NUP214: variants seen among roughly 807,000 people sequenced by gnomAD.
The protein encoded by NUP214 is nuclear pore complex protein Nup214.
A neutral mutation model predicts 196.2 loss-of-function variants in NUP214; 79 were observed. The observed-to-expected ratio is 0.40, with a 90% CI of 0.34 to 0.49. NUP214 has a LOEUF of 0.49. Ranked by LOEUF, NUP214 falls within the 20% of genes least tolerant of loss-of-function variation. NUP214 has a pLI of 0.58. For synonymous variants in NUP214, 1,020 were observed against 990.5 expected, an observed-to-expected ratio of 1.03 and a Z score of -0.56; for missense variants, 2,468 against 2,539.0, an observed-to-expected ratio of 0.97 and a Z score of 0.60.
intron 28 of NUP214, among the ~76,000 whole-genome samples, chr9:131,196,209 AG>A (rs1833785712): frequency 6.6e-6 from 1 of 151,230 alleles, no homozygotes; most frequent in African/African-American, 2.4e-5. Flanking sequence ...TCCAGGCTGG[AG>A]TGTAATGGCG....
intron 21 of NUP214, among the ~76,000 whole-genome samples, chr9:131,169,034 GT>G (rs58054099): frequency 6.4e-5 from 8 of 124,128 alleles, no homozygotes; most frequent in African/African-American, 9.2e-5. Flanking sequence ...GTTTTTTTTT[GT>G]TTTTTTTTTT....
chr9:131,213,791 G>GTTGTTGTT (rs549300685), intron 30 of NUP214, among the ~76,000 whole-genome samples: 997 of 17,656 alleles, frequency 0.056, 2 homozygotes, highest in Middle Eastern at 0.17. Context: ...TTGTTGTTAA[G>GTTGTTGTT]AAATTTAAAG....
chr9:131,184,974 T>A (rs940730210), intron 24 of NUP214, among the ~76,000 whole-genome samples: 3 of 152,236 alleles, frequency 2.0e-5, no homozygotes. Flanking sequence ...TATATGAGTA[T>A]GTATGAAAAG....
chr9:131,193,144 G>T (rs910568364), intron 27 of NUP214, among the ~76,000 whole-genome samples: 1 of 151,948 alleles, frequency 6.6e-6, no homozygotes, highest in Admixed American at 6.6e-5. Flanking sequence ...AAAAATGAAA[G>T]AATCTTCTAT....
chr9:131,174,938 G>T (rs1833073000), intron 22 of NUP214, among the ~76,000 whole-genome samples: 1 of 152,040 alleles, frequency 6.6e-6, no homozygotes, highest in Non-Finnish European at 1.5e-5. Context: ...AAGTAAAAGG[G>T]GGCTGTTTGC....
At chr9:131,205,102 C>T (rs1279416732) in intron 30 of NUP214, among the ~76,000 whole-genome samples, 3 of 152,072 alleles carry the variant, frequency 2.0e-5, no homozygotes, top group Non-Finnish European at 4.4e-5. Context: ...GTCTGGGCGA[C>T]AGAGCAAGAC....
chr9:131,181,248 G>C (rs559585586), intron 24 of NUP214, among the ~76,000 whole-genome samples: 8 of 152,262 alleles, frequency 5.3e-5, no homozygotes, highest in African/African-American at 1.7e-4. Flanking sequence ...AGCGAGTCAG[G>C]GGGGACCTCT....
intron 21 of NUP214, among the ~76,000 whole-genome samples, chr9:131,169,043 T>TG (rs1341895012): frequency 6.1e-5 from 9 of 147,996 alleles, no homozygotes; most frequent in African/African-American, 9.9e-5. Flanking sequence ...TGTTTTTTTT[T>TG]TTTTTTTGGA....
At chr9:131,193,629 CTTTTTTTTTTTTTTTTTTTTTTTTTT>C (rs71389402) in intron 27 of NUP214, among the ~76,000 whole-genome samples, 1 of 28,218 alleles carries the variant, frequency 3.5e-5, no homozygotes, top group Non-Finnish European at 6.5e-5. Flanking sequence ...TCTTCCTTTT[CTTTTTTTTTTTTTTTTTTTTTTTTTT>C]TTTTTTTGGA....
chr9:131,195,898 A>G (rs1170797386), intron 28 of NUP214, among the ~76,000 whole-genome samples: 2 of 151,826 alleles, frequency 1.3e-5, no homozygotes, highest in African/African-American at 4.8e-5. Context: ...GGTGGCGCAT[A>G]CCTATAATCC....
intron 24 of NUP214, among the ~76,000 whole-genome samples, chr9:131,184,195 T>C (rs2131017750): frequency 6.6e-6 from 1 of 151,756 alleles, no homozygotes; most frequent in South Asian, 2.1e-4. Context: ...CACAGCCGGC[T>C]AATTTTTGTA....
chr9:131,146,438 T>A lies in NUP214; in HGVS notation c.1945+134T>A. 1.2e-6 allele frequency: 1 copy of A among 859,540 alleles called. No individual in the cohort carries two copies. Among genetic ancestry groups the A allele is most frequent in the East Asian group, 2.5e-5 (1 of 40,504 alleles). 53.2% of individuals were successfully genotyped at this position (859,540 alleles called of 1,614,324 possible). On this transcript the variant is annotated intron_variant, in intron 13 of 35. Coordinates refer to ENST00000359428, the MANE Select transcript of NUP214 (RefSeq NM_005085.4). This position sits in a 1 kb window ranked among gnomAD's most constrained non-coding sequence, Gnocchi z 4.6. ...GCTTCCTGTATCATACATTAATGAT[T>A]AATGTGCTGTGATTTTCATACTCTG...
chr9:131,213,084 A>C (rs1313382195), intron 30 of NUP214, among the ~76,000 whole-genome samples: 1 of 152,120 alleles, frequency 6.6e-6, no homozygotes, highest in Non-Finnish European at 1.5e-5. Flanking sequence ...TCACCCATTT[A>C]TGAGGATGCA....
At chr9:131,190,009 G>C (rs955934638) in intron 26 of NUP214, 2 of 169,200 alleles carry the variant, frequency 1.2e-5, no homozygotes, top group African/African-American at 4.8e-5. Context: ...CAGTCATTCT[G>C]ACTTTCTCTG....
At chr9:131,183,641 T>G (rs372970426) in intron 24 of NUP214, among the ~76,000 whole-genome samples, 1 of 152,196 alleles carries the variant, frequency 6.6e-6, no homozygotes, top group Non-Finnish European at 1.5e-5. Flanking sequence ...AATTCTAGAT[T>G]GGCAGTTTTT....
chr9:131,164,797 T>G (rs1490202697), intron 21 of NUP214: 2 of 152,186 alleles, frequency 1.3e-5, no homozygotes, highest in Non-Finnish European at 2.9e-5. Flanking sequence ...GCCATAAATT[T>G]TTTTCCCATT....
In NUP214 at chr9:131,125,735, G is replaced by A; in HGVS notation, c.31G>A (p.Glu11Lys). The A allele has an allele frequency of 4.5e-6, 7 of 1,552,458 alleles. No homozygotes were observed. The highest frequency in any genetic ancestry group is 6.1e-6 in the Non-Finnish European group (7 of 1,147,506). The change falls in exon 1 of 36, where the codon GAG becomes AAG. Residue 11 changes from glutamate (E) to lysine (K), a missense_variant. By Grantham distance (56) the Glu-to-Lys change is moderately conservative (BLOSUM62 1). Transcript: ENST00000359428. The surrounding 1 kb of genome is among the most constrained non-coding windows in gnomAD (Gnocchi z 4.1). MGDEMDAMIP[E>K]REMKDFQFRA... ...AGACGAGATGGATGCCATGATTCCC[G>A]AGCGGGAGATGAAGGTCAGAGACTA...
intron 21 of NUP214, among the ~76,000 whole-genome samples, chr9:131,170,789 G>A (rs895101117): frequency 4.4e-5 from 5 of 112,512 alleles, no homozygotes; most frequent in Admixed American, 1.1e-4. Context: ...CAGTCCTTTT[G>A]TTATTATTAT....
Position 131,134,996 on chromosome 9 carries a change from T to A in NUP214, c.930T>A (p.Ile310=). The change falls in exon 8 of 36, where the codon ATT becomes ATA. Residue 310 remains isoleucine, a synonymous_variant. Coordinates refer to ENST00000359428, the MANE Select transcript of NUP214 (RefSeq NM_005085.4). ...AGCATCATTACTACCTCAGTTACAT[T>A]GAGGAATGGTGAGCAGAGAGTCTGG... The part of the protein sequence containing the change: ...ERQHHYYLSY[I]EEWDLVLAAS... The A allele has an allele frequency of 1.2e-6, 2 of 1,606,202 alleles. No homozygotes were observed. Among genetic ancestry groups the A allele is most frequent in the Non-Finnish European group, 1.7e-6 (2 of 1,172,916 alleles).
Sources: allele counts gnomAD v4.1 joint callset (sites outside exome capture counted in the v4.1 genomes callset), GRCh38; gene constraint gnomAD v4.1.1; non-coding constraint Gnocchi (gnomAD v3.1); transcripts MANE v1.5; gene names NCBI Gene and HGNC (gene_info 2026-07-23, HGNC 2026-07-21).